The following SPPL3 variants were observed in gnomAD, a reference collection of about 807,000 sequenced individuals.
SPPL3 encodes signal peptide peptidase-like 3.
A neutral mutation model predicts 42.4 loss-of-function variants in SPPL3; 5 were observed. The observed-to-expected ratio is 0.12, with a 90% CI of 0.06 to 0.25. SPPL3 has a LOEUF of 0.25. Among genes scored for constraint, SPPL3 ranks in the 10% least tolerant of loss-of-function variants. The probability of loss-of-function intolerance (pLI) is 1.00; values close to 1 mark genes in which losing one functional copy is unlikely to be tolerated. For synonymous variants in SPPL3, 195 were observed against 181.8 expected (o/e 1.07, Z -0.58); for missense variants, 235 against 489.0 (o/e 0.48, Z 4.90).
At chr12:120,782,528 C>CG (rs1240893315) in intron 6 of SPPL3, 127 bp downstream of exon 6, 39 of 649,020 alleles carry the variant, frequency 6.0e-5, no homozygotes, top group Admixed American at 5.1e-4. Context: ...TTTGTTTTGG[C>CG]GGGGGTGGGT....
intron 1 of SPPL3, among the ~76,000 whole-genome samples, chr12:120,894,998 A>G (rs1873757269): frequency 6.6e-6 from 1 of 152,162 alleles, no homozygotes. Flanking sequence ...CTCCTCAGGC[A>G]TTTTTAGAAG....
At chr12:120,895,749 T>A (rs57697145) in intron 1 of SPPL3, among the ~76,000 whole-genome samples, 3 of 151,562 alleles carry the variant, frequency 2.0e-5, no homozygotes, top group Non-Finnish European at 1.5e-5. Context: ...TCTCACTAAA[T>A]CCTCACAACG....
At chr12:120,883,150 A>C (rs986305316) in intron 1 of SPPL3, among the ~76,000 whole-genome samples, 3 of 151,952 alleles carry the variant, frequency 2.0e-5, no homozygotes, top group Admixed American at 2.0e-4. Flanking sequence ...TAAAAATACA[A>C]AAAAATTAGC....
chr12:120,796,818 T>A (rs1870113201), intron 2 of SPPL3, among the ~76,000 whole-genome samples: 1 of 152,198 alleles, frequency 6.6e-6, no homozygotes, highest in East Asian at 1.9e-4. Flanking sequence ...TCCCTTCTAA[T>A]CCTTTCACAT....
chr12:120,866,777 T>C (rs1287745079), intron 1 of SPPL3, among the ~76,000 whole-genome samples: 1 of 152,210 alleles, frequency 6.6e-6, no homozygotes, highest in African/African-American at 2.4e-5. Context: ...AGTTATGCAA[T>C]AGTATCAAAC....
At chr12:120,841,192 G>A (rs1227256966) in intron 1 of SPPL3, among the ~76,000 whole-genome samples, 1 of 151,850 alleles carries the variant, frequency 6.6e-6, no homozygotes, top group African/African-American at 2.4e-5. Flanking sequence ...AGGTGTGGTG[G>A]TGCATGCCTG....
intron 2 of SPPL3, among the ~76,000 whole-genome samples, chr12:120,792,132 T>C (rs1869937280): frequency 1.3e-5 from 2 of 152,208 alleles, no homozygotes; most frequent in South Asian, 2.1e-4. Flanking sequence ...AGCGTGTTCA[T>C]GGCAGGTGCT....
At chr12:120,891,949 G>A (rs1174715793) in intron 1 of SPPL3, among the ~76,000 whole-genome samples, 5 of 152,106 alleles carry the variant, frequency 3.3e-5, no homozygotes, top group Admixed American at 1.3e-4. Context: ...CTTTGTAAAT[G>A]TCTCCCTTAG....
At chr12:120,818,146 T>C (rs1410067057) in intron 1 of SPPL3, among the ~76,000 whole-genome samples, 2 of 152,210 alleles carry the variant, frequency 1.3e-5, no homozygotes, top group Non-Finnish European at 2.9e-5. Context: ...CCAGAGGCTC[T>C]GGGCGGACAT....
chr12:120,904,068 CG>C lies in SPPL3; in HGVS notation c.-202del. ...CGAAGCGGCCCCGCTCCCTGGGCCC[CG>C]GGGCGGGGCGGGCTCCGCTCTCGGC... is the stretch of plus-strand genomic sequence containing the variant. On this transcript the variant is annotated 5_prime_UTR_variant, in exon 1 of 11. Coordinates refer to ENST00000353487, the MANE Select transcript of SPPL3 (RefSeq NM_139015.5). 2 of 336,194 alleles carry C rather than the reference CG, an allele frequency of 5.9e-6. No individual in the cohort carries two copies. Among genetic ancestry groups the C allele is most frequent in the Non-Finnish European group, 1.1e-5 (2 of 189,768 alleles). The allele number at this position is 336,194 out of a possible 1,614,324, so 20.8% of individuals were successfully genotyped here.
At chr12:120,900,702 G>A (rs893278922) in intron 1 of SPPL3, among the ~76,000 whole-genome samples, 1 of 151,954 alleles carries the variant, frequency 6.6e-6, no homozygotes, top group African/African-American at 2.4e-5. Flanking sequence ...GAGGTCAGGA[G>A]TTCAAGACCA....
intron 1 of SPPL3, among the ~76,000 whole-genome samples, chr12:120,828,448 A>ATT (rs1335945491): frequency 6.6e-6 from 1 of 152,200 alleles, no homozygotes; most frequent in Non-Finnish European, 1.5e-5. Context: ...CTCAAATCAA[A>ATT]TAGAAGGAAG....
At chr12:120,843,048 T>C (rs1871885152) in intron 1 of SPPL3, among the ~76,000 whole-genome samples, 1 of 152,114 alleles carries the variant, frequency 6.6e-6, no homozygotes, top group African/African-American at 2.4e-5. Context: ...TAGACTCAGT[T>C]AGTTAGTATA....
intron 1 of SPPL3, among the ~76,000 whole-genome samples, chr12:120,816,450 T>C (rs980822574): frequency 6.6e-6 from 1 of 152,258 alleles, no homozygotes; most frequent in African/African-American, 2.4e-5. Context: ...TATAGATTAT[T>C]TTACGATGTT....
chr12:120,790,095 G>A (rs1869864460), intron 3 of SPPL3, among the ~76,000 whole-genome samples: 1 of 152,198 alleles, frequency 6.6e-6, no homozygotes, highest in African/African-American at 2.4e-5. Flanking sequence ...AATGTTGACA[G>A]AAGATAAGCT....
chr12:120,766,093 C>T (rs1185114002), intron 10 of SPPL3, among the ~76,000 whole-genome samples, 170 bp downstream of exon 10: 16 of 104,012 alleles, frequency 1.5e-4, no homozygotes, highest in African/African-American at 6.3e-4. Context: ...CAGGGTAGCG[C>T]GCGCGCGCAC....
chr12:120,801,360 C>T (rs1870287550), intron 2 of SPPL3, among the ~76,000 whole-genome samples: 2 of 152,200 alleles, frequency 1.3e-5, no homozygotes, highest in Non-Finnish European at 2.9e-5. Context: ...CCTGTCTTGC[C>T]ACACTCCAAG....
At chr12:120,816,033 A>G (rs915531841) in intron 1 of SPPL3, among the ~76,000 whole-genome samples, 3 of 152,098 alleles carry the variant, frequency 2.0e-5, no homozygotes, top group Non-Finnish European at 4.4e-5. Context: ...CCTGGCCTGG[A>G]TTAAATTTTC....
chr12:120,786,737 A>C (rs1367518999), intron 3 of SPPL3, among the ~76,000 whole-genome samples: 2 of 152,136 alleles, frequency 1.3e-5, no homozygotes, highest in African/African-American at 4.8e-5. Context: ...ACAATATGCT[A>C]CCTAAAACAA....
Sources: gnomAD v4.1 joint callset for allele counts (sites outside exome capture counted in the v4.1 genomes callset) on GRCh38, gnomAD v4.1.1 for gene constraint, MANE v1.5 for transcripts, NCBI Gene and HGNC (gene_info 2026-07-23, HGNC 2026-07-21) for gene names.